The following SMARCAD1 variants were observed in gnomAD, a reference collection of about 807,000 sequenced individuals.
SMARCAD1 encodes the protein SWI/SNF-related matrix-associated actin-dependent regulator of chromatin subfamily A containing DEAD/H box 1.
Under a neutral mutation model 127.1 loss-of-function variants are expected in SMARCAD1, and 25 were observed. That is an observed-to-expected ratio of 0.20 (90% confidence interval 0.14 to 0.27). SMARCAD1 has a LOEUF of 0.27. SMARCAD1 is among the 10% of genes least tolerant of loss of function. The pLI, the probability that SMARCAD1 is intolerant of heterozygous loss-of-function variation, is 1.00. For synonymous variants in SMARCAD1, 400 were observed against 396.9 expected (o/e 1.01, Z -0.09); for missense variants, 807 against 1,206.0 (o/e 0.67, Z 4.90).
chr4:94,208,498 C>T lies in SMARCAD1; in HGVS notation c.104C>T (p.Pro35Leu). 6 of 1,614,060 alleles carry T rather than the reference C, an allele frequency of 3.7e-6. No homozygotes were observed. The highest frequency in any genetic ancestry group is 4.2e-6 in the Non-Finnish European group (5 of 1,180,002). ...PQPSQPGPSSPISLSAEEENA... is the reference protein window; with the variant it reads ...PQPSQPGPSSLISLSAEEENA... ...CCTTCCCAGCCTGGCCCTTCTTCAC[C>T]AATTTCTCTTAGTGCTGAAGAGGAG... is the stretch of plus-strand genomic sequence containing the variant. Residue 35 changes from proline (P) to leucine (L), a missense_variant, in exon 2 of 24, where the codon CCA becomes CTA. By Grantham distance (98) the Pro-to-Leu change is moderately conservative. Around this residue, in one of 8 missense-constraint regions of SMARCAD1, gnomAD observed 175 missense variants for 169.5 expected, o/e 1.03. Coordinates refer to ENST00000354268, the MANE Select transcript of SMARCAD1 (RefSeq NM_020159.5).
intron 3 of SMARCAD1, among the ~76,000 whole-genome samples, chr4:94,230,742 G>T (rs1034246803): frequency 6.6e-6 from 1 of 152,120 alleles, no homozygotes; most frequent in Non-Finnish European, 1.5e-5. Flanking sequence ...AACTCTGGCA[G>T]TAGATAAAAT....
intron 2 of SMARCAD1, among the ~76,000 whole-genome samples, chr4:94,221,926 C>T (rs1744204609): frequency 6.6e-6 from 1 of 152,116 alleles, no homozygotes; most frequent in Non-Finnish European, 1.5e-5. Context: ...AATGATAGGA[C>T]AAAGGGGATC....
At chr4:94,227,820 A>G (rs1395369064) in intron 3 of SMARCAD1, among the ~76,000 whole-genome samples, 1 of 152,208 alleles carries the variant, frequency 6.6e-6, no homozygotes, top group Non-Finnish European at 1.5e-5. Context: ...TGAATTTACT[A>G]GGTGACAGAG....
At chr4:94,244,069 G>C (rs977873611) in intron 6 of SMARCAD1, among the ~76,000 whole-genome samples, 4 of 152,188 alleles carry the variant, frequency 2.6e-5, no homozygotes, top group African/African-American at 9.7e-5. Flanking sequence ...GACCAGGTTC[G>C]AGTGCTGGAA....
intron 5 of SMARCAD1, 119 bp downstream of exon 5, chr4:94,237,137 G>T (rs923569999): frequency 2.3e-6 from 2 of 871,408 alleles, no homozygotes; most frequent in African/African-American, 1.7e-5. Flanking sequence ...ACAGGAATTT[G>T]TGAGGTATTA....
chr4:94,238,254 T>C (rs1747014561), intron 5 of SMARCAD1, among the ~76,000 whole-genome samples: 1 of 152,214 alleles, frequency 6.6e-6, no homozygotes, highest in Non-Finnish European at 1.5e-5. Context: ...ACCTACAGTG[T>C]ATCAAGATTC....
chr4:94,228,081 G>A (rs145503926), intron 3 of SMARCAD1, among the ~76,000 whole-genome samples: 20 of 152,186 alleles, frequency 1.3e-4, no homozygotes, highest in African/African-American at 4.3e-4. Context: ...GCAAGAGATC[G>A]GACTGTCTAC....
chr4:94,228,509 T>C (rs1745359943), intron 3 of SMARCAD1, among the ~76,000 whole-genome samples: 1 of 152,168 alleles, frequency 6.6e-6, no homozygotes, highest in South Asian at 2.1e-4. Flanking sequence ...CATATTTCAA[T>C]TTTGCCAGTT....
intron 21 of SMARCAD1, 22 bp downstream of exon 21, chr4:94,281,612 T>TA (rs1369728944): frequency 3.0e-6 from 4 of 1,351,258 alleles, no homozygotes; most frequent in Non-Finnish European, 4.2e-6. Context: ...TCATGTTAGT[T>TA]ACAAAAAAAT....
rs146148937 is a variant in SMARCAD1 at position 94,243,104 on chromosome 4, G to A, written c.705+2098G>A. On this transcript the variant is annotated intron_variant, in intron 6 of 23. Transcript: ENST00000354268. Reference sequence around the variant, plus strand: ...CCCACGTAGCTGGGATTACAGGCGTGTGCCACCATGCTCAGTTAATTTTTG... The same window carrying A: ...CCCACGTAGCTGGGATTACAGGCGTATGCCACCATGCTCAGTTAATTTTTG... Among the ~76,000 whole-genome samples, 1,146 of 152,262 alleles carry A rather than the reference G, an allele frequency of 7.5e-3. 7 individuals are homozygous for A. The highest frequency in any genetic ancestry group is 0.026 in the African/African-American group (1,070 of 41,558).
rs1043782738 is a variant in SMARCAD1 at position 94,290,200 on chromosome 4, A to T, written c.*666A>T. 1 of 454,478 alleles carries T rather than the reference A, an allele frequency of 2.2e-6. No homozygotes were observed. Among genetic ancestry groups the T allele is most frequent in the South Asian group, 1.6e-5 (1 of 64,480 alleles). 28.2% of individuals were successfully genotyped at this position (454,478 alleles called of 1,614,324 possible). A position where few individuals can be genotyped will look rare whatever the true frequency, so the allele number is the denominator to read the frequency against. On this transcript the variant is annotated 3_prime_UTR_variant, in exon 24 of 24. Coordinates refer to ENST00000354268, the MANE Select transcript of SMARCAD1 (RefSeq NM_020159.5). ...GTGAATAGTAACTAAAGAAGCCCCT[A>T]CCTTGCTCCATGGATTAATTCCTTC...
At chr4:94,250,594 CAGAA>C (rs1044474823) in intron 7 of SMARCAD1, among the ~76,000 whole-genome samples, 154 bp from the exon 8 acceptor site, 21 of 152,144 alleles carry the variant, frequency 1.4e-4, no homozygotes, top group Middle Eastern at 6.8e-3. Context: ...TGAAATTACA[CAGAA>C]AGCATTTGTA....
At position 94,234,141 on chromosome 4, in the gene SMARCAD1, T is replaced by C; in HGVS notation, c.537+19T>C. ...ACTTAAGGTTATATTCATTGGTTAT[T>C]GTAGCTGTAATGATGATAAAATCTC... On this transcript the variant is annotated intron_variant, in intron 4 of 23. Coordinates refer to ENST00000354268, the MANE Select transcript of SMARCAD1 (RefSeq NM_020159.5). The C allele has an allele frequency of 3.8e-6, 6 of 1,569,342 alleles. No individual in the cohort carries two copies. The highest frequency in any genetic ancestry group is 5.2e-6 in the Non-Finnish European group (6 of 1,154,244).
intron 2 of SMARCAD1, among the ~76,000 whole-genome samples, chr4:94,221,663 G>A (rs780152619): frequency 1.3e-5 from 2 of 152,270 alleles, no homozygotes; most frequent in South Asian, 2.1e-4. Context: ...AATTACTTGT[G>A]GCTTGGATAT....
At chr4:94,230,785 T>G (rs1369102468) in intron 3 of SMARCAD1, among the ~76,000 whole-genome samples, 1 of 152,084 alleles carries the variant, frequency 6.6e-6, no homozygotes, top group Non-Finnish European at 1.5e-5. Flanking sequence ...AAGAAAGAAC[T>G]GAAGGCAGAA....
In SMARCAD1 at chr4:94,253,062, T is replaced by C. The variant is rs888464410; in HGVS notation, c.1281+55T>C. 5.6e-6 allele frequency: 9 copies of C among 1,600,824 alleles called. No homozygotes were observed. The South Asian group carries it at 7.7e-5, about 14-fold the overall frequency. ...ATGTGTGTGTGTATTTAATTCACAG[T>C]ACCGGTTATAGTCAAGTTGTCTTCA... is the stretch of plus-strand genomic sequence containing the variant. On this transcript the variant is annotated intron_variant, in intron 9 of 23. Coordinates refer to ENST00000354268, the MANE Select transcript of SMARCAD1 (RefSeq NM_020159.5).
chr4:94,271,968 A>C (rs1294229431), intron 11 of SMARCAD1, among the ~76,000 whole-genome samples: 1 of 152,268 alleles, frequency 6.6e-6, no homozygotes, highest in Non-Finnish European at 1.5e-5. Flanking sequence ...TGCCATAACA[A>C]AATACCACAG....
rs1753661828 is a variant in SMARCAD1 at position 94,278,995 on chromosome 4, A to G, written c.2363A>G (p.His788Arg). ...AAAATGGCCAATCATCCTTTATTAC[A>G]TCGCCAATATTACACAGCTGAAAAA... ...LRKMANHPLL[H>R]RQYYTAEKLK... is the part of the protein sequence containing the mutation. The change falls in exon 19 of 24, where the codon CAT (histidine) becomes CGT (arginine). Residue 788 changes from histidine (H) to arginine (R), a missense_variant. Physicochemically the swap from His to Arg is conservative, Grantham distance 29 (BLOSUM62 0). This residue lies in a region of SMARCAD1 where 99 missense variants were observed against 126.0 expected (regional missense o/e 0.79). Transcript: ENST00000354268. 1.9e-6 allele frequency: 3 copies of G among 1,614,124 alleles called. No homozygotes were observed. The highest frequency in any genetic ancestry group is 1.7e-6 in the Non-Finnish European group (2 of 1,180,010).
At chr4:94,222,553 ATATT>A (rs1321281927) in intron 2 of SMARCAD1, among the ~76,000 whole-genome samples, 1 of 152,044 alleles carries the variant, frequency 6.6e-6, no homozygotes, top group African/African-American at 2.4e-5. Context: ...TTGAGAGTAT[ATATT>A]ACATATCTGA....
Sources: allele counts gnomAD v4.1 joint callset (sites outside exome capture counted in the v4.1 genomes callset), GRCh38; gene constraint gnomAD v4.1.1; regional missense constraint gnomAD v4.1.1; transcripts MANE v1.5; gene names NCBI Gene and HGNC (gene_info 2026-07-23, HGNC 2026-07-21).